CTRC: variants seen among roughly 807,000 people sequenced by gnomAD.
CTRC encodes the protein chymotrypsin C.
Under a neutral mutation model 35.7 loss-of-function variants are expected in CTRC, and 32 were observed. That is an observed-to-expected ratio of 0.90 (90% CI 0.68 to 1.20). The LOEUF is 1.20. CTRC is among the 50% of genes most tolerant of loss of function. The probability of loss-of-function intolerance (pLI) is 0.00; values close to 1 mark genes in which losing one functional copy is unlikely to be tolerated. For synonymous variants in CTRC, 119 were observed against 149.5 expected (o/e 0.80, Z 1.49); for missense variants, 324 against 361.5 (o/e 0.90, Z 0.84).
At chr1:15,440,183 A>C in intron 1 of CTRC, 117 bp from the exon 2 acceptor site, 306 of 929,298 alleles carry the variant, frequency 3.3e-4, no homozygotes, top group Non-Finnish European at 4.9e-4. Flanking sequence ...GTAAAATATC[A>C]ACCCCGTGTC....
chr1:15,439,279 A>T (rs2103288434), intron 1 of CTRC, among the ~76,000 whole-genome samples: 1 of 152,122 alleles, frequency 6.6e-6, no homozygotes, highest in Non-Finnish European at 1.5e-5. Context: ...TACAAAAATT[A>T]GCCAGGCGTG....
At position 15,446,675 on chromosome 1, in the gene CTRC, A is replaced by G. The variant is rs760937; in HGVS notation, c.*86A>G. 5.8e-3 allele frequency: 8,570 copies of G among 1,488,462 alleles called. 394 individuals are homozygous for G. The African/African-American group carries it at 0.097, about 17-fold the overall frequency. 92.2% of individuals were successfully genotyped at this position (1,488,462 alleles called of 1,614,324 possible). A position where few individuals can be genotyped will look rare whatever the true frequency, so the allele number is the denominator to read the frequency against. On this transcript the variant is annotated 3_prime_UTR_variant, in exon 8 of 8. Transcript: ENST00000375949. ...GGCCACCTGGATCCTTGATTTGTGCAGCTTCTGTTGCTTCCCTCCTCTCTG... is the reference window on the plus strand; with the variant it reads ...GGCCACCTGGATCCTTGATTTGTGCGGCTTCTGTTGCTTCCCTCCTCTCTG...
rs955922772 is a variant in CTRC, at chr1:15,446,727, C to T, written c.*138C>T. ...TGCTGCCCCTTTCCACACTATGGAG[C>T]CAAAGAGAGACCCCACTCAGCCAGT... On this transcript the variant is annotated 3_prime_UTR_variant, in exon 8 of 8. Coordinates refer to ENST00000375949, the MANE Select transcript of CTRC (RefSeq NM_007272.3). 1 of 999,710 alleles carries T rather than the reference C, an allele frequency of 1.0e-6. No homozygotes were observed. Among genetic ancestry groups the T allele is most frequent in the Non-Finnish European group, 1.6e-6 (1 of 633,856 alleles). 61.9% of individuals were successfully genotyped at this position (999,710 alleles called of 1,614,324 possible). A position where few individuals can be genotyped will look rare whatever the true frequency, so the allele number is the denominator to read the frequency against.
chr1:15,444,438 C>G (rs1430969994), intron 5 of CTRC, among the ~76,000 whole-genome samples, 168 bp from the exon 6 acceptor site: 1 of 151,732 alleles, frequency 6.6e-6, no homozygotes, highest in Non-Finnish European at 1.5e-5. Flanking sequence ...TCCTGACCCT[C>G]TGGGACCTTG....
rs573883417 is a variant in CTRC at position 15,439,710 on chromosome 1, G to C, written c.41-590G>C. 3.3e-5 allele frequency among the ~76,000 whole-genome samples: 5 copies of C among 152,282 alleles called. No individual in the cohort carries two copies. In the South Asian group the frequency reaches 1.0e-3, roughly 32 times the overall value. On this transcript the variant is annotated intron_variant, in intron 1 of 7. Coordinates refer to ENST00000375949, the MANE Select transcript of CTRC (RefSeq NM_007272.3). ...AGACAGAAGAACACAGGTGTACCGG[G>C]CACTCGCACACATGCCAGCCAGTTT...
intron 5 of CTRC, 134 bp downstream of exon 5, chr1:15,443,689 AT>A: frequency 9.3e-7 from 1 of 1,079,538 alleles, no homozygotes; most frequent in Non-Finnish European, 1.4e-6. Context: ...AACAGCTAAT[AT>A]TTACTAAGCA....
rs368477746 is a variant in CTRC, at chr1:15,445,584, C to G, written c.640-13C>G. On this transcript the variant is annotated splice_polypyrimidine_tract_variant and intron_variant, in intron 6 of 7. Coordinates refer to ENST00000375949, the MANE Select transcript of CTRC (RefSeq NM_007272.3). ...GGGGGCCTGGTGGCTTATGCCCTCC[C>G]GGTCTGGTGCAGGGGGACTCCGGTG... 3 of 1,613,556 alleles carry G rather than the reference C, an allele frequency of 1.9e-6. No individual in the cohort carries two copies. Among genetic ancestry groups the G allele is most frequent in the Admixed American group, 3.3e-5 (2 of 60,026 alleles).
chr1:15,440,557 G>A lies in CTRC; in HGVS notation c.197G>A (p.Ser66Asn), dbSNP rs748861167. The A allele has an allele frequency of 5.0e-6, 8 of 1,614,174 alleles. No homozygotes were observed. Among genetic ancestry groups the A allele is most frequent in the Non-Finnish European group, 6.8e-6 (8 of 1,180,036 alleles). Residue 66 changes from serine to asparagine, a missense_variant, in exon 3 of 8, where the codon AGC becomes AAC. Transcript: ENST00000375949. ...RHTCGGTLIASNFVLTAAHCI... is the reference protein window; with the variant it reads ...RHTCGGTLIANNFVLTAAHCI... ...ACGTGTGGCGGGACTTTGATTGCTAGCAACTTCGTCCTCACTGCCGCCCAC... is the reference window on the plus strand; with the variant it reads ...ACGTGTGGCGGGACTTTGATTGCTAACAACTTCGTCCTCACTGCCGCCCAC...
In CTRC at chr1:15,445,693, C is replaced by T. The variant is rs200412314; in HGVS notation, c.736C>T (p.Arg246Cys). ...TGGCTCCCGGCGGGGCTGCAACACCCGCAAGAAGCCGGTAGTCTACACCCG... is the reference window on the plus strand; with the variant it reads ...TGGCTCCCGGCGGGGCTGCAACACCTGCAAGAAGCCGGTAGTCTACACCCG... ...SFGSRRGCNT[R>C]KKPVVYTRVS... is the part of the protein sequence containing the mutation. The change falls in exon 7 of 8, where the codon CGC becomes TGC. Residue 246 changes from arginine to cysteine, a missense_variant. Arg to Cys is a radical substitution (Grantham distance 180, BLOSUM62 -3). Transcript: ENST00000375949. The T allele has an allele frequency of 9.3e-5, 150 of 1,613,910 alleles. No individual in the cohort carries two copies. The highest frequency in any genetic ancestry group is 4.4e-5 in the South Asian group (4 of 91,088).
chr1:15,443,590 C>T (rs1288135652), intron 5 of CTRC, 35 bp downstream of exon 5: 1 of 1,613,910 alleles, frequency 6.2e-7, no homozygotes, highest in African/African-American at 1.3e-5. Context: ...TGAGAGCCTT[C>T]CTGAAGGAAG....
Position 15,447,054 on chromosome 1 carries a change from A to T in CTRC, c.*465A>T, listed in dbSNP as rs1708233462. On this transcript the variant is annotated 3_prime_UTR_variant, in exon 8 of 8. Transcript: ENST00000375949. ...AGGTGGAAGACAGGGTCTCCCCAAA[A>T]GCAGCGTCCCCCAGGCCAGAGAGAC... 1 of 307,806 alleles carries T rather than the reference A, an allele frequency of 3.2e-6. No individual in the cohort carries two copies. Among genetic ancestry groups the T allele is most frequent in the Non-Finnish European group, 6.4e-6 (1 of 157,424 alleles). The allele number at this position is 307,806 out of a possible 1,614,324, so 19.1% of individuals were successfully genotyped here. A position where few individuals can be genotyped will look rare whatever the true frequency, so the allele number is the denominator to read the frequency against.
chr1:15,444,841 TG>T, intron 6 of CTRC, 90 bp downstream of exon 6: 2 of 1,560,696 alleles, frequency 1.3e-6, no homozygotes, highest in Non-Finnish European at 1.8e-6. Flanking sequence ...ACCCTTCTCC[TG>T]GGAGGAGACT....
rs763801614 is a variant in CTRC, at chr1:15,446,922, G to T, written c.*333G>T. 24 of 461,200 alleles carry T rather than the reference G, an allele frequency of 5.2e-5. No individual in the cohort carries two copies. The highest frequency in any genetic ancestry group is 8.8e-5 in the Non-Finnish European group (22 of 249,130). 28.6% of individuals were successfully genotyped at this position (461,200 alleles called of 1,614,324 possible). Reference sequence around the variant, plus strand: ...GAAGGACGCATCAGACACCTTCCCCGCTCCATCTCACAAGCTGCGAACAGG... The same window carrying T: ...GAAGGACGCATCAGACACCTTCCCCTCTCCATCTCACAAGCTGCGAACAGG... On this transcript the variant is annotated 3_prime_UTR_variant, in exon 8 of 8. Transcript: ENST00000375949.
At chr1:15,440,212 T>A in intron 1 of CTRC, 88 bp from the exon 2 acceptor site, 1 of 1,180,210 alleles carries the variant, frequency 8.5e-7, no homozygotes, top group Non-Finnish European at 1.2e-6. Flanking sequence ...CCCAACTCTG[T>A]GCTTCTTCCA....
rs1248816193 is a variant in CTRC at position 15,442,587 on chromosome 1, G to A, written c.356+15G>A. 1.2e-6 allele frequency: 2 copies of A among 1,613,650 alleles called. No homozygotes were observed. The highest frequency in any genetic ancestry group is 1.7e-6 in the Non-Finnish European group (2 of 1,179,896). On this transcript the variant is annotated intron_variant, in intron 4 of 7. Coordinates refer to ENST00000375949, the MANE Select transcript of CTRC (RefSeq NM_007272.3). Reference sequence around the variant, plus strand: ...CTCCTGTTGCGGTGAGTGACAGACTGCCCATCCCACAGCCACTGGGGGCAG... The same window carrying A: ...CTCCTGTTGCGGTGAGTGACAGACTACCCATCCCACAGCCACTGGGGGCAG...
intron 6 of CTRC, among the ~76,000 whole-genome samples, chr1:15,445,209 C>T (rs1194585415): frequency 1.3e-5 from 2 of 152,100 alleles, no homozygotes; most frequent in Non-Finnish European, 2.9e-5. Flanking sequence ...AACACACAAC[C>T]CTCTCCCCAT....
In CTRC at chr1:15,444,737, A is replaced by G. The variant is rs778850385; in HGVS notation, c.625A>G (p.Ile209Val). The part of the protein sequence containing the change: ...TMVCAGGDGV[I>V]SACNGDSGGP... ...GGTGTGCGCTGGGGGCGATGGCGTC[A>G]TCTCAGCCTGCAATGTGAGTGGCTA... The change falls in exon 6 of 8, where the codon ATC (isoleucine) becomes GTC (valine). Residue 209 changes from isoleucine to valine, a missense_variant. By Grantham distance (29) the Ile-to-Val change is conservative. Coordinates refer to ENST00000375949, the MANE Select transcript of CTRC (RefSeq NM_007272.3). The G allele has an allele frequency of 2.5e-6, 4 of 1,614,204 alleles. No individual in the cohort carries two copies. Among genetic ancestry groups the G allele is most frequent in the Non-Finnish European group, 3.4e-6 (4 of 1,180,036 alleles).
intron 1 of CTRC, among the ~76,000 whole-genome samples, chr1:15,439,494 G>A (rs888661019): frequency 6.6e-6 from 1 of 152,000 alleles, no homozygotes; most frequent in African/African-American, 2.4e-5. Context: ...TACAGATGAG[G>A]ACATCGAGGT....
chr1:15,440,184 A>C (rs1570781296), intron 1 of CTRC, 116 bp from the exon 2 acceptor site: 4 of 937,726 alleles, frequency 4.3e-6, no homozygotes, highest in Non-Finnish European at 6.8e-6. Context: ...TAAAATATCA[A>C]CCCCGTGTCT....
Sources: allele counts gnomAD v4.1 joint callset (sites outside exome capture counted in the v4.1 genomes callset), GRCh38; gene constraint gnomAD v4.1.1; transcripts MANE v1.5; gene names NCBI Gene and HGNC (gene_info 2026-07-23, HGNC 2026-07-21).